TNRC6A: variants seen among roughly 807,000 people sequenced by gnomAD.
TNRC6A encodes the protein trinucleotide repeat-containing gene 6A protein.
Under a neutral mutation model 221.2 loss-of-function variants are expected in TNRC6A, and 44 were observed. That is an observed-to-expected ratio of 0.20 (90% CI 0.16 to 0.26). The LOEUF (loss-of-function observed/expected upper bound fraction) is 0.26, where lower values mean the gene tolerates loss of function less well. Ranked by LOEUF, TNRC6A falls within the 10% of genes least tolerant of loss-of-function variation. The pLI is 1.00. For missense variants in TNRC6A, 2,199 were observed against 2,404.4 expected (o/e 0.91, Z 1.79); for synonymous variants, 847 against 838.5 (o/e 1.01, Z -0.18).
At position 24,688,646 on chromosome 16, in the gene TNRC6A, GGCTCATGATCCTTAAGA is replaced by G. The variant is rs146474165; in HGVS notation, n.402+47640_402+47656del. Among the ~76,000 whole-genome samples, 629 of 152,276 alleles carry G rather than the reference GGCTCATGATCCTTAAGA, an allele frequency of 4.1e-3. 6 individuals are homozygous for G. Among genetic ancestry groups the G allele is most frequent in the African/African-American group, 0.015 (608 of 41,562 alleles). On this transcript the variant is annotated intron_variant and non_coding_transcript_variant, in intron 2 of 2. Transcript: ENST00000566108. Reference sequence around the variant, plus strand: ...AGGTCCAGAGGGAAGTCAGACAAGGGGCTCATGATCCTTAAGAGCGAGCCTCAGGATGCACACATCTC... The same window carrying G: ...AGGTCCAGAGGGAAGTCAGACAAGGGGCGAGCCTCAGGATGCACACATCTC...
chr16:24,708,505 T>C (rs1242572580), intron 2 of TNRC6A, among the ~76,000 whole-genome samples: 1 of 152,160 alleles, frequency 6.6e-6, no homozygotes, highest in Non-Finnish European at 1.5e-5. Flanking sequence ...CCTCTCAAAG[T>C]GCTGGGATTA....
At chr16:24,712,771 C>T (rs181817178) in intron 2 of TNRC6A, among the ~76,000 whole-genome samples, 5 of 152,008 alleles carry the variant, frequency 3.3e-5, no homozygotes, top group East Asian at 3.9e-4. Flanking sequence ...TATTTTGTTT[C>T]GAGACAGGGT....
chr16:24,687,964 T>C (rs866013607), intron 2 of TNRC6A, among the ~76,000 whole-genome samples: 1 of 130,604 alleles, frequency 7.7e-6, no homozygotes, highest in African/African-American at 2.9e-5. Context: ...CTTTTTTTTT[T>C]TTTTGTCGCC....
chr16:24,797,865 T>C (rs1003066554), intron 10 of TNRC6A, 50 bp from the exon 11 acceptor site: 3 of 1,503,808 alleles, frequency 2.0e-6, no homozygotes, highest in African/African-American at 2.8e-5. Flanking sequence ...TTTTATTTGT[T>C]TTCATTGATA....
At chr16:24,783,527 ATT>A (rs5816267) in intron 5 of TNRC6A, among the ~76,000 whole-genome samples, 2 of 145,456 alleles carry the variant, frequency 1.4e-5, no homozygotes, top group Non-Finnish European at 1.5e-5. Context: ...ATTATGTACA[ATT>A]TTTTTTTTTT....
chr16:24,715,582 T>C (rs1302900713), intron 2 of TNRC6A, among the ~76,000 whole-genome samples: 1 of 151,716 alleles, frequency 6.6e-6, no homozygotes, highest in East Asian at 1.9e-4. Context: ...TTTGGGTGGT[T>C]CTTTTCCATT....
At chr16:24,807,013 T>C (rs1023833379) in intron 17 of TNRC6A, among the ~76,000 whole-genome samples, 4 of 151,848 alleles carry the variant, frequency 2.6e-5, no homozygotes, top group Admixed American at 2.6e-4. Flanking sequence ...CTTTTCTTTT[T>C]TTTTTTTTTT....
At chr16:24,774,631 G>A (rs896034977) in intron 4 of TNRC6A, among the ~76,000 whole-genome samples, 1 of 152,164 alleles carries the variant, frequency 6.6e-6, no homozygotes, top group Non-Finnish European at 1.5e-5. Context: ...TATTACAGCA[G>A]CAGGTAGCTG....
At chr16:24,671,997 G>A (rs2142000172) in intron 2 of TNRC6A, among the ~76,000 whole-genome samples, 1 of 152,306 alleles carries the variant, frequency 6.6e-6, no homozygotes, top group East Asian at 1.9e-4. Context: ...AGACATTTGA[G>A]GGACAGTTGG....
chr16:24,635,116 TTTTC>T (rs1404931571), intron 1 of TNRC6A, among the ~76,000 whole-genome samples: 1 of 70,320 alleles, frequency 1.4e-5, no homozygotes, highest in Non-Finnish European at 2.5e-5. Flanking sequence ...TCTTTATTTC[TTTTC>T]TTTCTTTTTC....
At chr16:24,703,056 A>G in intron 2 of TNRC6A, among the ~76,000 whole-genome samples, 1 of 151,604 alleles carries the variant, frequency 6.6e-6, no homozygotes, top group Non-Finnish European at 1.5e-5. Flanking sequence ...AAAATAAAAT[A>G]AAATAAAATA....
Position 24,789,343 on chromosome 16 carries a change from C to G in TNRC6A, c.701C>G (p.Ser234Trp). The change falls in exon 6 of 25, where the codon TCG (serine) becomes TGG (tryptophan). Residue 234 changes from serine to tryptophan, a missense_variant. Transcript: ENST00000395799. ...AAGAATGCTGTTGTAAGTGACTTGT[C>G]GGAAAAAGAAGCATGGCCCTCAGCC... ...NCKNAVVSDLSEKEAWPSAPG... is the reference protein window; with the variant it reads ...NCKNAVVSDLWEKEAWPSAPG... 1 of 1,614,134 alleles carries G rather than the reference C, an allele frequency of 6.2e-7. No individual in the cohort carries two copies. Among genetic ancestry groups the G allele is most frequent in the Middle Eastern group, 1.6e-4 (1 of 6,062 alleles).
chr16:24,723,955 C>T (rs2056453161), intron 2 of TNRC6A, among the ~76,000 whole-genome samples: 1 of 152,208 alleles, frequency 6.6e-6, no homozygotes, highest in African/African-American at 2.4e-5. Context: ...GACCTAGCTA[C>T]CCCACTGCAT....
intron 11 of TNRC6A, among the ~76,000 whole-genome samples, chr16:24,799,850 G>T (rs939632853): frequency 6.6e-6 from 1 of 152,148 alleles, no homozygotes; most frequent in African/African-American, 2.4e-5. Context: ...TGAGCCCCCA[G>T]TTGTCCTTGC....
rs1205974758 is a variant in TNRC6A at position 24,790,979 on chromosome 16, T to G, written c.2337T>G (p.Ser779=). Residue 779 remains serine (S), a synonymous_variant, in exon 6 of 25, where the codon TCT becomes TCG. Coordinates refer to ENST00000395799, the MANE Select transcript of TNRC6A (RefSeq NM_014494.4). ...GCCCTAATGGTAATGATACCTCATCTGTATCAGGGTGGGGCGATCCCAAAC... is the reference window on the plus strand; with the variant it reads ...GCCCTAATGGTAATGATACCTCATCGGTATCAGGGTGGGGCGATCCCAAAC... The part of the protein sequence containing the change: ...KTSPNGNDTS[S]VSGWGDPKPA... 6.2e-7 allele frequency: 1 copy of G among 1,604,362 alleles called. No homozygotes were observed. Among genetic ancestry groups the G allele is most frequent in the East Asian group, 2.2e-5 (1 of 44,842 alleles).
intron 1 of TNRC6A, among the ~76,000 whole-genome samples, chr16:24,628,388 C>G (rs542955476): frequency 7.0e-4 from 107 of 151,980 alleles, no homozygotes; most frequent in Non-Finnish European, 1.3e-3. Flanking sequence ...CCATTGCACT[C>G]CAGCCTGGGT....
chr16:24,637,687 C>T (rs1210475934), intron 1 of TNRC6A, among the ~76,000 whole-genome samples: 1 of 152,126 alleles, frequency 6.6e-6, no homozygotes, highest in Non-Finnish European at 1.5e-5. Context: ...GCGCCACAAC[C>T]ACACAACACA....
chr16:24,620,495 A>C (rs535515691), intron 1 of TNRC6A, among the ~76,000 whole-genome samples: 1 of 152,180 alleles, frequency 6.6e-6, no homozygotes, highest in Non-Finnish European at 1.5e-5. Context: ...ATGTTTGTTC[A>C]TAAGTGGCTC....
At chr16:24,778,792 C>T (rs1038219692) in intron 5 of TNRC6A, among the ~76,000 whole-genome samples, 1 of 151,964 alleles carries the variant, frequency 6.6e-6, no homozygotes, top group African/African-American at 2.4e-5. Flanking sequence ...AGATCTAATG[C>T]CAAGTAGTAG....
Sources: allele counts gnomAD v4.1 joint callset (sites outside exome capture counted in the v4.1 genomes callset), GRCh38; gene constraint gnomAD v4.1.1; transcripts MANE v1.5; gene names NCBI Gene and HGNC (gene_info 2026-07-23, HGNC 2026-07-21).